PARP8: variants seen among roughly 807,000 people sequenced by gnomAD.
PARP8 encodes protein mono-ADP-ribosyltransferase PARP8.
A neutral mutation model predicts 124.1 loss-of-function variants in PARP8; 51 were observed. That is an observed-to-expected ratio of 0.41 (90% CI 0.33 to 0.52). PARP8 has a LOEUF of 0.52. PARP8 is among the 20% of genes least tolerant of loss of function. PARP8 has a pLI of 0.21. For synonymous variants in PARP8, 391 were observed against 361.5 expected, an observed-to-expected ratio of 1.08 and a Z score of -0.93; for missense variants, 860 against 1,018.9, an observed-to-expected ratio of 0.84 and a Z score of 2.12.
intron 25 of PARP8, among the ~76,000 whole-genome samples, chr5:50,839,749 T>C (rs1317490616): frequency 6.6e-6 from 1 of 151,766 alleles, no homozygotes; most frequent in Non-Finnish European, 1.5e-5. Context: ...TCCTCTGTGC[T>C]CTTTCAGTCT....
chr5:50,831,122 T>G (rs1445235524), intron 22 of PARP8, among the ~76,000 whole-genome samples: 1 of 152,190 alleles, frequency 6.6e-6, no homozygotes, highest in African/African-American at 2.4e-5. Flanking sequence ...GGTAAAATGC[T>G]GATGGAAAGA....
Position 50,797,042 on chromosome 5 carries a change from A to C in PARP8, c.1479+10A>C. 6.2e-7 allele frequency: 1 copy of C among 1,612,968 alleles called. No homozygotes were observed. On this transcript the variant is annotated intron_variant, in intron 13 of 25. Coordinates refer to ENST00000281631, the MANE Select transcript of PARP8 (RefSeq NM_024615.4). ...TGGCTTCCTGGTGCAGGTATGAGCC[A>C]AAACTCTATCCATTGTACAAATATT...
At position 50,765,217 on chromosome 5, in the gene PARP8, G is replaced by A. The variant is rs1033729189; in HGVS notation, c.518+1975G>A. Among the ~76,000 whole-genome samples the A allele has an allele frequency of 2.6e-5, 4 of 151,768 alleles. No homozygotes were observed. In the East Asian group the frequency reaches 5.8e-4, roughly 22 times the overall value. The stretch of plus-strand genomic sequence containing the variant: ...GCGGAGGTTGCAGTGAGCTGAGATC[G>A]TGGCATTGCACTCCAGCCTGGGCAA... On this transcript the variant is annotated intron_variant, in intron 7 of 25. Transcript: ENST00000281631.
intron 2 of PARP8, among the ~76,000 whole-genome samples, chr5:50,729,617 G>T (rs184932568): frequency 1.2e-4 from 18 of 152,196 alleles, no homozygotes; most frequent in Non-Finnish European, 2.2e-4. Flanking sequence ...TTTTCTTGCC[G>T]TTCAGAAAGC....
intron 20 of PARP8, 75 bp downstream of exon 20, chr5:50,828,131 G>A (rs1746547310): frequency 8.3e-7 from 1 of 1,207,686 alleles, no homozygotes; most frequent in Non-Finnish European, 1.2e-6. Context: ...AGATATCACT[G>A]TCTTTCAGTA....
intron 9 of PARP8, among the ~76,000 whole-genome samples, chr5:50,788,159 A>G (rs1741485240): frequency 6.8e-6 from 1 of 147,508 alleles, no homozygotes; most frequent in Non-Finnish European, 1.5e-5. Flanking sequence ...TCTTTCTTAC[A>G]TTTACATATA....
Position 50,733,317 on chromosome 5 carries a change from A to C in PARP8, c.147-16834A>C, listed in dbSNP as rs1370729851. Among the ~76,000 whole-genome samples the C allele has an allele frequency of 2.0e-5, 3 of 152,146 alleles. No homozygotes were observed. The East Asian group carries it at 5.8e-4, about 30-fold the overall frequency. On this transcript the variant is annotated intron_variant, in intron 2 of 25. Coordinates refer to ENST00000281631, the MANE Select transcript of PARP8 (RefSeq NM_024615.4). ...AAAAAAACCAAAACAAAAAAAAAAT[A>C]AATGGGCGAAAAACTTGCTCCTGAC...
Position 50,666,889 on chromosome 5 carries a change from C to T in PARP8, c.-207C>T. On this transcript the variant is annotated 5_prime_UTR_variant, in exon 1 of 26. An upstream open reading frame in the 5' UTR gains an earlier in-frame stop. Coordinates refer to ENST00000281631, the MANE Select transcript of PARP8 (RefSeq NM_024615.4). ...AGCTGGGCGGTCACATCTGGGAATG[C>T]AAAGCCGACCTCCCCCTCCTCCTCC... The T allele has an allele frequency of 7.2e-7, 1 of 1,379,986 alleles. No homozygotes were observed. The highest frequency in any genetic ancestry group is 1.5e-5 in the South Asian group (1 of 65,980). 85.5% of individuals were successfully genotyped at this position (1,379,986 alleles called of 1,614,324 possible).
intron 7 of PARP8, among the ~76,000 whole-genome samples, chr5:50,771,351 GTTTCACCA>G (rs1317091959): frequency 3.3e-5 from 5 of 151,878 alleles, no homozygotes; most frequent in African/African-American, 4.8e-5. Context: ...TAGAGACGGG[GTTTCACCA>G]TGTTGGTCAG....
chr5:50,688,487 C>G (rs184895142), intron 2 of PARP8, among the ~76,000 whole-genome samples: 20 of 152,258 alleles, frequency 1.3e-4, no homozygotes, highest in African/African-American at 4.6e-4. Context: ...TGAACAAACT[C>G]CTTCCAATGC....
chr5:50,710,736 T>G (rs1026947188), intron 2 of PARP8, among the ~76,000 whole-genome samples: 1 of 152,126 alleles, frequency 6.6e-6, no homozygotes, highest in Admixed American at 6.6e-5. Flanking sequence ...GTATCAATAT[T>G]TAAATATAAC....
At chr5:50,836,883 C>G (rs1460083511) in intron 25 of PARP8, among the ~76,000 whole-genome samples, 1 of 152,092 alleles carries the variant, frequency 6.6e-6, no homozygotes, top group African/African-American at 2.4e-5. Context: ...AAAAGTAACT[C>G]CAGAGTGCTT....
intron 2 of PARP8, among the ~76,000 whole-genome samples, chr5:50,716,041 G>A (rs1375125): frequency 1 from 152,181 of 152,184 alleles, 76,089 homozygotes; most frequent in Non-Finnish European, 1. Context: ...AAAATTTACT[G>A]TGCTTTATCG....
chr5:50,707,779 A>G (rs1385201667), intron 2 of PARP8, among the ~76,000 whole-genome samples: 1 of 152,102 alleles, frequency 6.6e-6, no homozygotes, highest in African/African-American at 2.4e-5. Context: ...ATATTTGATT[A>G]CAAAACCAAA....
chr5:50,797,760 C>T (rs1305132041), intron 14 of PARP8, among the ~76,000 whole-genome samples: 1 of 152,186 alleles, frequency 6.6e-6, no homozygotes, highest in African/African-American at 2.4e-5. Context: ...TGTATACGTG[C>T]ATTTTGGAGA....
In PARP8 at chr5:50,666,898, C is replaced by A; in HGVS notation, c.-198C>A. 7.8e-7 allele frequency: 1 copy of A among 1,281,860 alleles called. No homozygotes were observed. The highest frequency in any genetic ancestry group is 3.2e-5 in the East Asian group (1 of 31,126). 79.4% of individuals were successfully genotyped at this position (1,281,860 alleles called of 1,614,324 possible). The stretch of plus-strand genomic sequence containing the variant: ...GTCACATCTGGGAATGCAAAGCCGA[C>A]CTCCCCCTCCTCCTCCTCCTCCCCC... On this transcript the variant is annotated 5_prime_UTR_variant, in exon 1 of 26. Transcript: ENST00000281631.
In PARP8 at chr5:50,782,943, G is replaced by C. The variant is rs1001109363; in HGVS notation, c.670+4293G>C. Among the ~76,000 whole-genome samples the C allele has an allele frequency of 2.6e-5, 4 of 152,174 alleles. No homozygotes were observed. The East Asian group carries it at 7.7e-4, about 29-fold the overall frequency. On this transcript the variant is annotated intron_variant, in intron 9 of 25. Transcript: ENST00000281631. ...CCGCAAGAGATCACTACAGTCCCTT[G>C]GGGCTGGAATGACACGGGAAAGGGA...
intron 2 of PARP8, among the ~76,000 whole-genome samples, chr5:50,684,431 G>A (rs915554152): frequency 1.7e-4 from 14 of 84,680 alleles, no homozygotes; most frequent in Admixed American, 1.3e-4. Context: ...ATATAAGAAT[G>A]CTGAACTAAT....
chr5:50,824,355 G>A (rs1389849199), intron 17 of PARP8, among the ~76,000 whole-genome samples: 1 of 152,172 alleles, frequency 6.6e-6, no homozygotes, highest in Non-Finnish European at 1.5e-5. Context: ...GAGAGAGACT[G>A]CAGCATAAAC....
Sources: allele counts gnomAD v4.1 joint callset (sites outside exome capture counted in the v4.1 genomes callset), GRCh38; gene constraint gnomAD v4.1.1; transcripts MANE v1.5; gene names NCBI Gene and HGNC (gene_info 2026-07-23, HGNC 2026-07-21).